The following AFAP1L1 variants were observed in gnomAD, a reference collection of about 807,000 sequenced individuals.
AFAP1L1 encodes the protein actin filament-associated protein 1-like 1.
In AFAP1L1, 77 loss-of-function variants were observed where a neutral mutation model predicts 99.8. That is an observed-to-expected ratio of 0.77 (90% confidence interval 0.64 to 0.93). AFAP1L1 has a LOEUF of 0.93. Ranked by LOEUF, AFAP1L1 falls within the 40% of genes least tolerant of loss-of-function variation. AFAP1L1 has a pLI of 0.00. For synonymous variants in AFAP1L1, 373 were observed against 395.3 expected (o/e 0.94, Z 0.67); for missense variants, 893 against 996.8 (o/e 0.90, Z 1.40).
At position 149,333,016 on chromosome 5, in the gene AFAP1L1, G is replaced by T. The variant is rs199674425; in HGVS notation, c.2154+143G>T. ...AAACTGAAGTCCAAAGAGGTGAAGGGCATGCCATGGGTGGCACAGCTAGGA... is the reference window on the plus strand; with the variant it reads ...AAACTGAAGTCCAAAGAGGTGAAGGTCATGCCATGGGTGGCACAGCTAGGA... On this transcript the variant is annotated intron_variant, in intron 17 of 18. Coordinates refer to ENST00000296721, the MANE Select transcript of AFAP1L1 (RefSeq NM_152406.4). 105 of 1,173,472 alleles carry T rather than the reference G, an allele frequency of 8.9e-5. No individual in the cohort carries two copies. The East Asian group carries it at 2.6e-3, about 30-fold the overall frequency. The allele number at this position is 1,173,472 out of a possible 1,614,324, so 72.7% of individuals were successfully genotyped here. A position where few individuals can be genotyped will look rare whatever the true frequency, so the allele number is the denominator to read the frequency against.
At chr5:149,312,804 A>C (rs1561675941) in intron 9 of AFAP1L1, among the ~76,000 whole-genome samples, 2 of 150,758 alleles carry the variant, frequency 1.3e-5, no homozygotes, top group African/African-American at 2.4e-5. Context: ...AAAGAAAGAA[A>C]AGAGAGAGAG....
intron 16 of AFAP1L1, 107 bp from the exon 17 acceptor site, chr5:149,332,588 G>C: frequency 8.1e-7 from 1 of 1,227,846 alleles, no homozygotes; most frequent in Non-Finnish European, 1.1e-6. Context: ...AAGACTGGGG[G>C]CTGGAAGGGC....
chr5:149,331,531 A>G (rs1041117049), intron 16 of AFAP1L1, among the ~76,000 whole-genome samples: 1 of 151,926 alleles, frequency 6.6e-6, no homozygotes, highest in African/African-American at 2.4e-5. Context: ...GAGGCAGGAG[A>G]ATGGCATAAA....
intron 1 of AFAP1L1, among the ~76,000 whole-genome samples, chr5:149,276,301 T>C (rs1311121870): frequency 6.6e-6 from 1 of 152,248 alleles, no homozygotes; most frequent in Non-Finnish European, 1.5e-5. Context: ...AGAATTTCTC[T>C]TCCAACAGGG....
intron 17 of AFAP1L1, 70 bp from the exon 18 acceptor site, chr5:149,335,524 G>T (rs1318710432): frequency 2.0e-5 from 30 of 1,530,224 alleles, no homozygotes; most frequent in Non-Finnish European, 2.6e-5. Flanking sequence ...TCATGCTTTT[G>T]AGGGCAGGCT....
chr5:149,340,194 G>A lies in AFAP1L1; in HGVS notation c.*164G>A, dbSNP rs1757523080. 8.6e-6 allele frequency: 6 copies of A among 694,422 alleles called. No homozygotes were observed. Among genetic ancestry groups the A allele is most frequent in the Non-Finnish European group, 1.2e-5 (5 of 412,916 alleles). 43.0% of individuals were successfully genotyped at this position (694,422 alleles called of 1,614,324 possible). A position where few individuals can be genotyped will look rare whatever the true frequency, so the allele number is the denominator to read the frequency against. ...TTGTCTGCATGATTTTAGGGGATAT[G>A]GGGAGGGAACAAGTAGAAGGGAAGA... is the stretch of plus-strand genomic sequence containing the variant. On this transcript the variant is annotated 3_prime_UTR_variant, in exon 19 of 19. Coordinates refer to ENST00000296721, the MANE Select transcript of AFAP1L1 (RefSeq NM_152406.4).
At chr5:149,327,737 C>A (rs1384678580) in intron 15 of AFAP1L1, among the ~76,000 whole-genome samples, 1 of 151,406 alleles carries the variant, frequency 6.6e-6, no homozygotes, top group Non-Finnish European at 1.5e-5. Flanking sequence ...ATTATGCAAA[C>A]CAAGAACAAA....
At chr5:149,283,522 G>A (rs988435144) in intron 1 of AFAP1L1, among the ~76,000 whole-genome samples, 1 of 151,812 alleles carries the variant, frequency 6.6e-6, no homozygotes, top group African/African-American at 2.4e-5. Context: ...AAAAAACTCA[G>A]AACATACCTT....
At position 149,324,286 on chromosome 5, in the gene AFAP1L1, G is replaced by T. The variant is rs1017350230; in HGVS notation, c.1810+1569G>T. Among the ~76,000 whole-genome samples the T allele has an allele frequency of 3.9e-5, 6 of 152,224 alleles. 1 individual carries two copies. The highest frequency in any genetic ancestry group is 3.9e-4 in the Admixed American group (6 of 15,286). On this transcript the variant is annotated intron_variant, in intron 15 of 18. Coordinates refer to ENST00000296721, the MANE Select transcript of AFAP1L1 (RefSeq NM_152406.4). ...TGGGAAGTCTGAGATCAAGGTGGCAGCCAATTTGGTGTCTGGTGAGGGCCT... is the reference window on the plus strand; with the variant it reads ...TGGGAAGTCTGAGATCAAGGTGGCATCCAATTTGGTGTCTGGTGAGGGCCT...
At chr5:149,339,111 A>G (rs576486152) in intron 18 of AFAP1L1, among the ~76,000 whole-genome samples, 1 of 151,276 alleles carries the variant, frequency 6.6e-6, no homozygotes, top group East Asian at 1.9e-4. Flanking sequence ...CAACTCTGCC[A>G]TTGTCGCATG....
chr5:149,292,787 G>A (rs1278348603), intron 1 of AFAP1L1, among the ~76,000 whole-genome samples: 2 of 152,194 alleles, frequency 1.3e-5, no homozygotes, highest in Admixed American at 1.3e-4. Flanking sequence ...AGACAGTTCT[G>A]TCCTCATGCC....
chr5:149,299,555 G>A lies in AFAP1L1; in HGVS notation c.63G>A (p.Leu21=). The change falls in exon 2 of 19, where the codon CTG becomes CTA. Residue 21 remains leucine (L), a synonymous_variant. Coordinates refer to ENST00000296721, the MANE Select transcript of AFAP1L1 (RefSeq NM_152406.4). ...AGCTCACCGGGCTGCTCAGCCTCCT[G>A]GACCACGAGTACCTCAGCGATACCA... ...LPELTGLLSL[L]DHEYLSDTTL... is the part of the protein sequence containing the mutation. 1 of 1,614,152 alleles carries A rather than the reference G, an allele frequency of 6.2e-7. No homozygotes were observed. The highest frequency in any genetic ancestry group is 8.5e-7 in the Non-Finnish European group (1 of 1,180,014).
intron 9 of AFAP1L1, 94 bp from the exon 10 acceptor site, chr5:149,315,727 C>T: frequency 2.0e-6 from 2 of 976,040 alleles, no homozygotes; most frequent in Non-Finnish European, 3.2e-6. Flanking sequence ...TTATCATGTG[C>T]TGGGGGAGTT....
At chr5:149,290,065 C>T (rs1164140684) in intron 1 of AFAP1L1, among the ~76,000 whole-genome samples, 1 of 152,160 alleles carries the variant, frequency 6.6e-6, no homozygotes, top group Non-Finnish European at 1.5e-5. Context: ...AACACCTTCT[C>T]TACTAAAAAT....
chr5:149,305,140 A>G (rs1222202824), intron 5 of AFAP1L1, among the ~76,000 whole-genome samples: 1 of 152,232 alleles, frequency 6.6e-6, no homozygotes, highest in Non-Finnish European at 1.5e-5. Context: ...TGTTTAGCAC[A>G]TTGTGTGTGC....
intron 9 of AFAP1L1, among the ~76,000 whole-genome samples, chr5:149,314,595 A>G (rs377494558): frequency 6.0e-4 from 92 of 152,364 alleles, no homozygotes; most frequent in Non-Finnish European, 1.3e-3. Context: ...CCATTGCAGA[A>G]CACATAGAGC....
intron 1 of AFAP1L1, among the ~76,000 whole-genome samples, chr5:149,285,449 T>G (rs556775363): frequency 6.6e-6 from 1 of 152,344 alleles, no homozygotes; most frequent in Non-Finnish European, 1.5e-5. Context: ...AGGTAAGCAC[T>G]GTTATTATCT....
Position 149,319,616 on chromosome 5 carries a change from G to T in AFAP1L1, c.1514G>T (p.Gly505Val). The T allele has an allele frequency of 6.2e-7, 1 of 1,613,350 alleles. No homozygotes were observed. The highest frequency in any genetic ancestry group is 1.1e-5 in the South Asian group (1 of 91,026). ...TCAGAGGACATGGGTCGCTGGCTCG[G>T]GCTGCTGCTGGTGGAGATGGGCTCC... is the stretch of plus-strand genomic sequence containing the variant. ...SCSEDMGRWLGLLLVEMGSRV... is the reference protein window; with the variant it reads ...SCSEDMGRWLVLLLVEMGSRV... Residue 505 changes from glycine to valine, a missense_variant, in exon 13 of 19, where the codon GGG becomes GTG. Physicochemically the swap from Gly to Val is moderately radical, Grantham distance 109. Transcript: ENST00000296721.
intron 1 of AFAP1L1, among the ~76,000 whole-genome samples, chr5:149,293,545 G>A (rs922408104): frequency 1.3e-5 from 2 of 152,110 alleles, no homozygotes; most frequent in African/African-American, 4.8e-5. Context: ...TCAAAATATT[G>A]TATTCATTGA....
Sources: gnomAD v4.1 joint callset for allele counts (sites outside exome capture counted in the v4.1 genomes callset) on GRCh38, gnomAD v4.1.1 for gene constraint, MANE v1.5 for transcripts, NCBI Gene and HGNC (gene_info 2026-07-23, HGNC 2026-07-21) for gene names.